Variants in GOLM1 observed in about 807,000 individuals in gnomAD.
GOLM1 encodes golgi membrane protein 1.
GOLM1 carries 31 observed loss-of-function variants against 50.5 expected under a neutral mutation model. The observed-to-expected ratio is 0.61, with a 90% CI of 0.46 to 0.83. The LOEUF is 0.83. Ranked by LOEUF, GOLM1 falls within the 40% of genes least tolerant of loss-of-function variation. GOLM1 has a pLI of 0.00. For missense variants in GOLM1, 491 were observed against 501.3 expected (o/e 0.98, Z 0.20); for synonymous variants, 178 against 192.8 (o/e 0.92, Z 0.64).
At chr9:86,055,431 T>C (rs761760234) in intron 3 of GOLM1, among the ~76,000 whole-genome samples, 2 of 152,108 alleles carry the variant, frequency 1.3e-5, no homozygotes, top group Admixed American at 6.5e-5. Flanking sequence ...ACAACCCCAC[T>C]TGTGGGTATG....
At chr9:86,037,496 A>C (rs1374578043) in intron 6 of GOLM1, among the ~76,000 whole-genome samples, 1 of 152,078 alleles carries the variant, frequency 6.6e-6, no homozygotes, top group Non-Finnish European at 1.5e-5. Flanking sequence ...ACAGCATACC[A>C]AAACTTATGG....
chr9:86,065,758 C>T (rs1215573067), intron 3 of GOLM1, among the ~76,000 whole-genome samples: 2 of 152,092 alleles, frequency 1.3e-5, no homozygotes, highest in Admixed American at 1.3e-4. Context: ...ATGTTCATGT[C>T]GGGCTGGGTG....
chr9:86,081,456 A>G (rs982764821), intron 1 of GOLM1, among the ~76,000 whole-genome samples: 10 of 152,062 alleles, frequency 6.6e-5, no homozygotes, highest in Non-Finnish European at 1.2e-4. Flanking sequence ...TCGTTCTCCC[A>G]AAGTGCTGGG....
rs748606278 is a variant in GOLM1 at position 86,040,793 on chromosome 9, C to A, written c.543G>T (p.Gly181=). The A allele has an allele frequency of 2.5e-6, 4 of 1,613,734 alleles. No individual in the cohort carries two copies. The highest frequency in any genetic ancestry group is 3.4e-6 in the Non-Finnish European group (4 of 1,179,652). Residue 181 remains glycine (G), a synonymous_variant, in exon 6 of 10, where the codon GGG becomes GGT. Transcript: ENST00000388712. ...GGTCTCTGGAAGCTACAGCTTCATTCCCCTTTTTGGTGACCTCTTCTATTC... is the reference window on the plus strand; with the variant it reads ...GGTCTCTGGAAGCTACAGCTTCATTACCCTTTTTGGTGACCTCTTCTATTC... ...EERIEEVTKK[G]NEAVASRDLS...
At chr9:86,085,092 C>T (rs528498388) in intron 1 of GOLM1, 1 of 152,144 alleles carries the variant, frequency 6.6e-6, no homozygotes, top group Non-Finnish European at 1.5e-5. Flanking sequence ...AAAAATTTTC[C>T]TTCTTTTCAT....
chr9:86,070,191 A>G (rs1834407175), intron 3 of GOLM1, among the ~76,000 whole-genome samples: 1 of 152,136 alleles, frequency 6.6e-6, no homozygotes, highest in Non-Finnish European at 1.5e-5. Flanking sequence ...CCTAAAGCCA[A>G]TCTTTTTAGA....
At chr9:86,056,826 A>C (rs994232162) in intron 3 of GOLM1, among the ~76,000 whole-genome samples, 4 of 152,182 alleles carry the variant, frequency 2.6e-5, no homozygotes, top group East Asian at 1.9e-4. Flanking sequence ...TTTAAGAGAC[A>C]GTCTCACTCT....
intron 1 of GOLM1, 45 bp from the exon 2 acceptor site, chr9:86,079,386 C>A: frequency 6.9e-7 from 1 of 1,454,902 alleles, no homozygotes; most frequent in South Asian, 1.3e-5. Context: ...CTAGTTTTAT[C>A]ATCTCCGAAG....
intron 1 of GOLM1, among the ~76,000 whole-genome samples, chr9:86,096,884 T>C (rs1835369426): frequency 6.6e-6 from 1 of 151,992 alleles, no homozygotes; most frequent in South Asian, 2.1e-4. Context: ...ATCAAAAAAG[T>C]TGGGAAACGA....
At chr9:86,056,058 C>T (rs1391863247) in intron 3 of GOLM1, among the ~76,000 whole-genome samples, 1 of 152,142 alleles carries the variant, frequency 6.6e-6, no homozygotes, top group Non-Finnish European at 1.5e-5. Context: ...TAATATCTTT[C>T]ACATCTCCTG....
At chr9:86,078,950 C>G (rs1436517288) in intron 2 of GOLM1, among the ~76,000 whole-genome samples, 1 of 152,070 alleles carries the variant, frequency 6.6e-6, no homozygotes, top group Non-Finnish European at 1.5e-5. Flanking sequence ...ACAGGAAAGG[C>G]AGGGAGGGAT....
rs777767888 is a variant in GOLM1, at chr9:86,046,588, A to G, written c.365-16T>C. The G allele has an allele frequency of 1.2e-5, 18 of 1,513,692 alleles. No homozygotes were observed. The highest frequency in any genetic ancestry group is 3.4e-4 in the Middle Eastern group (2 of 5,934). The allele number at this position is 1,513,692 out of a possible 1,614,324, so 93.8% of individuals were successfully genotyped here. A position where few individuals can be genotyped will look rare whatever the true frequency, so the allele number is the denominator to read the frequency against. The stretch of plus-strand genomic sequence containing the variant: ...TTTAACTGGTCTACACCAAGGGGAC[A>G]AGGAATTGCACAGGTCACCGGCACA... On this transcript the variant is annotated splice_polypyrimidine_tract_variant and intron_variant, in intron 4 of 9. Coordinates refer to ENST00000388712, the MANE Select transcript of GOLM1 (RefSeq NM_016548.4).
chr9:86,081,251 C>CAATG (rs1425386179), intron 1 of GOLM1, among the ~76,000 whole-genome samples: 22 of 147,298 alleles, frequency 1.5e-4, no homozygotes, highest in African/African-American at 5.3e-4. Flanking sequence ...GGCTGGAGTG[C>CAATG]AATGGTGTGA....
In GOLM1 at chr9:86,026,297, G is replaced by C; in HGVS notation, c.*1520C>G. On this transcript the variant is annotated 3_prime_UTR_variant, in exon 10 of 10. Transcript: ENST00000388712. ...GCTGGAAGAGGACTTAGAAGAGTATGAAAGTACTCTAAGATTTTATCTAAG... is the reference window on the plus strand; with the variant it reads ...GCTGGAAGAGGACTTAGAAGAGTATCAAAGTACTCTAAGATTTTATCTAAG... 3 of 983,942 alleles carry C rather than the reference G, an allele frequency of 3.0e-6. No individual in the cohort carries two copies. The highest frequency in any genetic ancestry group is 3.6e-6 in the Non-Finnish European group (3 of 828,618). The allele number at this position is 983,942 out of a possible 1,614,324, so 61.0% of individuals were successfully genotyped here. A position where few individuals can be genotyped will look rare whatever the true frequency, so the allele number is the denominator to read the frequency against.
chr9:86,077,320 C>A, intron 3 of GOLM1, 92 bp downstream of exon 3: 2 of 1,021,344 alleles, frequency 2.0e-6, no homozygotes, highest in South Asian at 1.4e-5. Flanking sequence ...AATCTAAACC[C>A]AGCCGCTTGC....
At chr9:86,030,863 A>T (rs1378402622) in intron 9 of GOLM1, among the ~76,000 whole-genome samples, 1 of 152,088 alleles carries the variant, frequency 6.6e-6, no homozygotes, top group Non-Finnish European at 1.5e-5. Flanking sequence ...ATGAAAAGGT[A>T]AAAAAAATGT....
Position 86,026,386 on chromosome 9 carries a change from T to A in GOLM1, c.*1431A>T. ...AAGGACATCACATATGAAGAATGTT[T>A]AAGTTGGAGGTGGCAACGTGAATTG... On this transcript the variant is annotated 3_prime_UTR_variant, in exon 10 of 10. Coordinates refer to ENST00000388712, the MANE Select transcript of GOLM1 (RefSeq NM_016548.4). 1.0e-6 allele frequency: 1 copy of A among 985,398 alleles called. No homozygotes were observed. Among genetic ancestry groups the A allele is most frequent in the Non-Finnish European group, 1.2e-6 (1 of 829,924 alleles). The allele number at this position is 985,398 out of a possible 1,614,324, so 61.0% of individuals were successfully genotyped here.
At chr9:86,054,666 G>A (rs954201588) in intron 3 of GOLM1, among the ~76,000 whole-genome samples, 1 of 152,178 alleles carries the variant, frequency 6.6e-6, no homozygotes, top group African/African-American at 2.4e-5. Context: ...TCCAACAAGT[G>A]TGCTCCAGAG....
At chr9:86,054,881 C>T (rs1196058382) in intron 3 of GOLM1, among the ~76,000 whole-genome samples, 2 of 152,190 alleles carry the variant, frequency 1.3e-5, no homozygotes, top group Non-Finnish European at 2.9e-5. Flanking sequence ...ACAATGCAAA[C>T]ATTTCTTACT....
Sources: gnomAD v4.1 joint callset for allele counts (sites outside exome capture counted in the v4.1 genomes callset) on GRCh38, gnomAD v4.1.1 for gene constraint, MANE v1.5 for transcripts, NCBI Gene and HGNC (gene_info 2026-07-23, HGNC 2026-07-21) for gene names.